TTC39B: variants seen among roughly 807,000 people sequenced by gnomAD.
TTC39B encodes the protein tetratricopeptide repeat protein 39B.
A neutral mutation model predicts 96.6 loss-of-function variants in TTC39B; 92 were observed. That is an observed-to-expected ratio of 0.95 (90% CI 0.80 to 1.13). The LOEUF is 1.13. Ranked by LOEUF, TTC39B falls within the 50% of genes most tolerant of loss-of-function variation. The probability of loss-of-function intolerance (pLI) is 0.00; values close to 1 mark genes in which losing one functional copy is unlikely to be tolerated. For synonymous variants in TTC39B, 367 were observed against 299.4 expected, an observed-to-expected ratio of 1.23 and a Z score of -2.33; for missense variants, 955 against 809.3, an observed-to-expected ratio of 1.18 and a Z score of -2.18.
chr9:15,188,082 C>T (rs745700070), exon 14 of TTC39B: 1 of 1,610,472 alleles, frequency 6.2e-7, no homozygotes, highest in South Asian at 1.1e-5. Context: ...GATGGTGAAA[C>T]TGTTTCCATT....
intron 2 of TTC39B, among the ~76,000 whole-genome samples, chr9:15,265,843 A>G (rs1054003467): frequency 3.3e-5 from 5 of 152,168 alleles, no homozygotes; most frequent in African/African-American, 1.2e-4. Flanking sequence ...TGAGGGGGGA[A>G]AAACAGACCA....
At chr9:15,201,425 C>T (rs1003230573) in intron 7 of TTC39B, among the ~76,000 whole-genome samples, 2 of 152,138 alleles carry the variant, frequency 1.3e-5, no homozygotes, top group African/African-American at 4.8e-5. Context: ...CGGGATCATG[C>T]ATGGGATGTC....
chr9:15,204,024 C>T, intron 6 of TTC39B, 134 bp from the exon 7 acceptor site: 2 of 692,618 alleles, frequency 2.9e-6, no homozygotes, highest in Non-Finnish European at 4.5e-6. Flanking sequence ...TGTGCTTCCA[C>T]AAAAGTGGAA....
At chr9:15,221,724 G>A (rs1340440784) in intron 3 of TTC39B, among the ~76,000 whole-genome samples, 1 of 152,152 alleles carries the variant, frequency 6.6e-6, no homozygotes, top group East Asian at 1.9e-4. Context: ...AACAGAAAGA[G>A]TTGGGTTTTG....
intron 17 of TTC39B, among the ~76,000 whole-genome samples, chr9:15,182,045 T>C (rs1191110834): frequency 6.6e-6 from 1 of 152,184 alleles, no homozygotes; most frequent in Non-Finnish European, 1.5e-5. Flanking sequence ...CTGAGTATCG[T>C]GTAAAGGGAA....
At chr9:15,191,148 C>CT (rs1297414816) in intron 10 of TTC39B, 42 bp downstream of exon 10, 1 of 1,413,822 alleles carries the variant, frequency 7.1e-7, no homozygotes, top group Non-Finnish European at 1.0e-6. Context: ...TAAATACTGT[C>CT]TTATCTTCCC....
intron 9 of TTC39B, among the ~76,000 whole-genome samples, chr9:15,192,322 A>C (rs551248355): frequency 6.6e-6 from 1 of 152,314 alleles, no homozygotes; most frequent in Admixed American, 6.5e-5. Context: ...ATGGAAATGG[A>C]TTCCACTGTT....
At chr9:15,301,752 T>C (rs189286161) in intron 1 of TTC39B, among the ~76,000 whole-genome samples, 6 of 144,740 alleles carry the variant, frequency 4.1e-5, no homozygotes, top group Non-Finnish European at 7.5e-5. Context: ...AGAGAGTCCA[T>C]CTCAAAAAAA....
At chr9:15,222,159 A>G (rs193219539) in intron 3 of TTC39B, among the ~76,000 whole-genome samples, 187 of 152,342 alleles carry the variant, frequency 1.2e-3, no homozygotes, top group Non-Finnish European at 2.3e-3. Flanking sequence ...TCCAAGAGGG[A>G]ATGGTACAGA....
At chr9:15,265,917 G>A (rs530358312) in intron 2 of TTC39B, among the ~76,000 whole-genome samples, 6 of 152,258 alleles carry the variant, frequency 3.9e-5, no homozygotes, top group Non-Finnish European at 5.9e-5. Context: ...CAAGGTCACC[G>A]AAAACGAGAG....
chr9:15,298,284 G>A (rs1037299125), intron 1 of TTC39B, among the ~76,000 whole-genome samples: 3 of 152,106 alleles, frequency 2.0e-5, no homozygotes, highest in African/African-American at 2.4e-5. Context: ...ACTGAGCCAC[G>A]CTACCAGCCT....
intron 8 of TTC39B, among the ~76,000 whole-genome samples, chr9:15,198,264 C>T (rs1382748791): frequency 2.0e-5 from 3 of 150,688 alleles, no homozygotes; most frequent in Non-Finnish European, 2.9e-5. Context: ...CGAGACCAGC[C>T]CGGTCAATAT....
At chr9:15,185,906 C>G (rs1289751672) in intron 15 of TTC39B, among the ~76,000 whole-genome samples, 2 of 152,078 alleles carry the variant, frequency 1.3e-5, no homozygotes, top group Non-Finnish European at 2.9e-5. Context: ...CAACAATTAA[C>G]GTATAATTTA....
Position 15,189,472 on chromosome 9 carries a change from A to T in TTC39B, c.1233+102T>A. 4.7e-6 allele frequency: 6 copies of T among 1,265,948 alleles called. No individual in the cohort carries two copies. The South Asian group carries it at 8.1e-5, about 17-fold the overall frequency. 78.4% of individuals were successfully genotyped at this position (1,265,948 alleles called of 1,614,324 possible). A position where few individuals can be genotyped will look rare whatever the true frequency, so the allele number is the denominator to read the frequency against. On this transcript the variant is annotated intron_variant, in intron 13 of 19. Transcript: ENST00000512701. The stretch of plus-strand genomic sequence containing the variant: ...TTTTTTCTTTATTTTTGTCTAGTCC[A>T]TATAGCCAAGTTTACTTTTGTTGAA...
At chr9:15,292,372 G>C (rs746361427) in intron 1 of TTC39B, among the ~76,000 whole-genome samples, 1 of 152,010 alleles carries the variant, frequency 6.6e-6, no homozygotes, top group Non-Finnish European at 1.5e-5. Context: ...TGGTGATGCC[G>C]GTATAAACAA....
chr9:15,185,333 G>A (rs186989159), exon 16 of TTC39B: 195 of 1,613,686 alleles, frequency 1.2e-4, no homozygotes, highest in Middle Eastern at 8.2e-4. Flanking sequence ...GAGTAACGCC[G>A]AGCCTTCCTC....
chr9:15,182,021 T>C (rs369860273), intron 17 of TTC39B, among the ~76,000 whole-genome samples: 1 of 152,336 alleles, frequency 6.6e-6, no homozygotes. Context: ...TCTGTCTTTA[T>C]AGATTTCCCT....
At chr9:15,257,563 C>A (rs534311161) in intron 2 of TTC39B, among the ~76,000 whole-genome samples, 21 of 152,200 alleles carry the variant, frequency 1.4e-4, no homozygotes, top group Non-Finnish European at 2.5e-4. Flanking sequence ...ATCCTCTCAT[C>A]TCAGCCTCCC....
chr9:15,288,411 A>C (rs948546559), intron 1 of TTC39B, among the ~76,000 whole-genome samples: 1 of 152,180 alleles, frequency 6.6e-6, no homozygotes, highest in African/African-American at 2.4e-5. Context: ...GAATGGCAGA[A>C]TGGCACAGCA....
Sources: gnomAD v4.1 joint callset for allele counts (sites outside exome capture counted in the v4.1 genomes callset) on GRCh38, gnomAD v4.1.1 for gene constraint, MANE v1.5 for transcripts, NCBI Gene and HGNC (gene_info 2026-07-23, HGNC 2026-07-21) for gene names.